The following SYNJ1 variants were observed in gnomAD, a reference collection of about 807,000 sequenced individuals.
SYNJ1 encodes synaptojanin 1.
SYNJ1 carries 78 observed loss-of-function variants against 168.2 expected under a neutral mutation model. The observed-to-expected ratio is 0.46, with a 90% confidence interval of 0.39 to 0.56. The LOEUF (loss-of-function observed/expected upper bound fraction) is 0.56. Among genes scored for constraint, SYNJ1 ranks in the 20% least tolerant of loss-of-function variants. SYNJ1 has a pLI of 0.00. For missense variants in SYNJ1, 1,303 were observed against 1,597.6 expected (o/e 0.82, Z 3.14); for synonymous variants, 539 against 548.6 (o/e 0.98, Z 0.24).
rs1230133310 is a variant in SYNJ1 at position 32,646,513 on chromosome 21, TG to T, written c.3126del (p.Ser1043AlafsTer111). 1 of 1,613,948 alleles carries T rather than the reference TG, an allele frequency of 6.2e-7. No homozygotes were observed. The highest frequency in any genetic ancestry group is 8.5e-7 in the Non-Finnish European group (1 of 1,180,012). Reference protein sequence around the residue: ...PSSSSGLGTSPSSSPRTSPCQ... With the variant: ...PSSSSGLGTSXSSSPRTSPCQ... ...CAGGGACTAGTTCGGGGTGAAGAGC[TG>T]GGGGAAGTACCAAGGCCGGAACTTG... On this transcript the variant is annotated frameshift_variant, in exon 24 of 33. Coordinates refer to ENST00000674351, the MANE Select transcript of SYNJ1 (RefSeq NM_203446.3). LOFTEE classifies it high-confidence loss of function.
chr21:32,687,144 C>A, intron 7 of SYNJ1, 70 bp from the exon 8 acceptor site: 1 of 769,886 alleles, frequency 1.3e-6, no homozygotes, highest in South Asian at 2.3e-5. Flanking sequence ...AACAATAATC[C>A]ATTATTAAAT....
At chr21:32,636,225 C>T (rs2039559820) in intron 31 of SYNJ1, among the ~76,000 whole-genome samples, 1 of 152,112 alleles carries the variant, frequency 6.6e-6, no homozygotes, top group Non-Finnish European at 1.5e-5. Flanking sequence ...TCCTTTACTT[C>T]CAGTTGCATT....
chr21:32,666,327 C>T lies in SYNJ1; in HGVS notation c.1952+106G>A, dbSNP rs185646415. 2.3e-5 allele frequency: 34 copies of T among 1,507,056 alleles called. No homozygotes were observed. The Admixed American group carries it at 2.9e-4, about 13-fold the overall frequency. 93.4% of individuals were successfully genotyped at this position (1,507,056 alleles called of 1,614,324 possible). A position where few individuals can be genotyped will look rare whatever the true frequency, so the allele number is the denominator to read the frequency against. ...CCAAAACCCCATTTTAAAACAAGAACTATGGATAGTTTTTGTTTGAAGAAC... is the reference window on the plus strand; with the variant it reads ...CCAAAACCCCATTTTAAAACAAGAATTATGGATAGTTTTTGTTTGAAGAAC... On this transcript the variant is annotated intron_variant, in intron 16 of 32. Coordinates refer to ENST00000674351, the MANE Select transcript of SYNJ1 (RefSeq NM_203446.3).
chr21:32,712,497 CT>C (rs2042863897), intron 2 of SYNJ1, among the ~76,000 whole-genome samples: 1 of 151,888 alleles, frequency 6.6e-6, no homozygotes, highest in African/African-American at 2.4e-5. Flanking sequence ...ATTAAACTAT[CT>C]AAATTAATGT....
In SYNJ1 at chr21:32,680,683, T is replaced by C. The variant is rs1025393408; in HGVS notation, c.1353+813A>G. On this transcript the variant is annotated intron_variant, in intron 11 of 32. Coordinates refer to ENST00000674351, the MANE Select transcript of SYNJ1 (RefSeq NM_203446.3). Reference sequence around the variant, plus strand: ...CTGGATGGAGTGCAGTGGCGTGATCTTGGCTCACTGCAACCACCACCTCCT... The same window carrying C: ...CTGGATGGAGTGCAGTGGCGTGATCCTGGCTCACTGCAACCACCACCTCCT... 3.3e-5 allele frequency among the ~76,000 whole-genome samples: 5 copies of C among 152,230 alleles called. No individual in the cohort carries two copies. The South Asian group carries it at 6.2e-4, about 19-fold the overall frequency.
Position 32,639,707 on chromosome 21 carries a change from GAGTCAGTCTTCCAGC to G in SYNJ1, c.3646_3660del (p.Ala1216_Thr1220del). Reference sequence around the variant, plus strand: ...TCTGATGTTTTGCTTTGGCTTTCAGGAGTCAGTCTTCCAGCAGATGCCCGCGCGTGGCTCTGTGGG... The same window carrying G: ...TCTGATGTTTTGCTTTGGCTTTCAGGAGATGCCCGCGCGTGGCTCTGTGGG... On this transcript the variant is annotated inframe_deletion, in exon 30 of 33. Transcript: ENST00000674351. 6.2e-7 allele frequency: 1 copy of G among 1,614,120 alleles called. No individual in the cohort carries two copies. The highest frequency in any genetic ancestry group is 2.2e-5 in the East Asian group (1 of 44,870).
At chr21:32,671,796 G>A (rs2041199800) in intron 14 of SYNJ1, among the ~76,000 whole-genome samples, 2 of 152,068 alleles carry the variant, frequency 1.3e-5, no homozygotes, top group Admixed American at 1.3e-4. Flanking sequence ...AGTGCCTCAC[G>A]CTTGTAATCA....
At chr21:32,659,746 C>T (rs1003381546) in intron 18 of SYNJ1, among the ~76,000 whole-genome samples, 5 of 152,182 alleles carry the variant, frequency 3.3e-5, no homozygotes, top group Non-Finnish European at 7.3e-5. Context: ...GCAAGTCTGC[C>T]GATGCTCCCA....
intron 22 of SYNJ1, among the ~76,000 whole-genome samples, chr21:32,652,202 A>AT (rs373043202): frequency 0.086 from 12,469 of 144,822 alleles, 643 homozygotes; most frequent in Non-Finnish European, 0.12. Flanking sequence ...CACACAAAGA[A>AT]TTTTTTTTTT....
intron 2 of SYNJ1, among the ~76,000 whole-genome samples, chr21:32,724,353 T>C (rs2043365549): frequency 6.6e-6 from 1 of 152,134 alleles, no homozygotes; most frequent in Non-Finnish European, 1.5e-5. Context: ...CAAGGCGTGG[T>C]GGCACACACC....
At chr21:32,701,619 A>C (rs1234061265) in intron 3 of SYNJ1, among the ~76,000 whole-genome samples, 1 of 151,744 alleles carries the variant, frequency 6.6e-6, no homozygotes, top group Non-Finnish European at 1.5e-5. Flanking sequence ...AACCAAGAAA[A>C]ATCAGTGTAG....
intron 22 of SYNJ1, among the ~76,000 whole-genome samples, chr21:32,651,854 A>G (rs933597842): frequency 6.6e-6 from 1 of 152,238 alleles, no homozygotes; most frequent in African/African-American, 2.4e-5. Context: ...GAAATTAATG[A>G]AGCCATTAAA....
intron 17 of SYNJ1, among the ~76,000 whole-genome samples, chr21:32,665,612 G>A (rs995621619): frequency 2.0e-5 from 3 of 152,148 alleles, no homozygotes; most frequent in Non-Finnish European, 2.9e-5. Context: ...GACCAAACCA[G>A]TGTACATCAT....
intron 2 of SYNJ1, among the ~76,000 whole-genome samples, chr21:32,724,992 A>G (rs1367587794): frequency 6.6e-6 from 1 of 152,216 alleles, no homozygotes; most frequent in Non-Finnish European, 1.5e-5. Context: ...GCCAAAATAA[A>G]TGTTTTAGGG....
intron 7 of SYNJ1, among the ~76,000 whole-genome samples, 155 bp from the exon 8 acceptor site, chr21:32,687,229 C>T (rs973661563): frequency 4.6e-5 from 7 of 152,128 alleles, no homozygotes; most frequent in Admixed American, 1.3e-4. Context: ...GTCTCAAAGC[C>T]GAATTTACGA....
chr21:32,705,811 C>T (rs1378292764), intron 2 of SYNJ1, among the ~76,000 whole-genome samples: 1 of 152,100 alleles, frequency 6.6e-6, no homozygotes, highest in African/African-American at 2.4e-5. Context: ...CGTGGCGAGA[C>T]CCTGTCTCTA....
At chr21:32,706,619 TA>T (rs2042620284) in intron 2 of SYNJ1, among the ~76,000 whole-genome samples, 1 of 152,164 alleles carries the variant, frequency 6.6e-6, no homozygotes, top group Non-Finnish European at 1.5e-5. Context: ...AAATAATTTT[TA>T]AAAATACATA....
chr21:32,679,353 G>C (rs1788503786), intron 11 of SYNJ1, among the ~76,000 whole-genome samples: 1 of 152,128 alleles, frequency 6.6e-6, no homozygotes, highest in South Asian at 2.1e-4. Flanking sequence ...TACAAGTACA[G>C]TTCATAAACG....
intron 19 of SYNJ1, 84 bp from the exon 20 acceptor site, chr21:32,657,204 T>A: frequency 1.1e-6 from 1 of 893,816 alleles, no homozygotes; most frequent in Non-Finnish European, 1.8e-6. Flanking sequence ...CTCCTTCCTT[T>A]CATGAGCTTC....
Sources: allele counts gnomAD v4.1 joint callset (sites outside exome capture counted in the v4.1 genomes callset), GRCh38; gene constraint gnomAD v4.1.1; transcripts MANE v1.5; gene names NCBI Gene and HGNC (gene_info 2026-07-23, HGNC 2026-07-21).